The following LRRC9 variants were observed in gnomAD, a reference collection of about 807,000 sequenced individuals.
LRRC9 encodes leucine rich repeat containing 9.
LRRC9 carries 122 observed loss-of-function variants against 63.2 expected under a neutral mutation model. That is an observed-to-expected ratio of 1.93 (90% confidence interval 1.67 to 2.24). LRRC9 has a LOEUF of 2.24. Ranked by LOEUF, LRRC9 falls within the 30% of genes most tolerant of loss-of-function variation. LRRC9 has a pLI of 0.00. For missense variants in LRRC9, 1,071 were observed against 627.7 expected (o/e 1.71, Z -7.55); for synonymous variants, 366 against 213.1 (o/e 1.72, Z -6.25).
At position 60,053,940 on chromosome 14, in the gene LRRC9, G is replaced by A. The variant is rs2140441424; in HGVS notation, c.4131+735G>A. On this transcript the variant is annotated intron_variant, in intron 30 of 31. Transcript: ENST00000445360. This position sits in a 1 kb window ranked among gnomAD's most constrained non-coding sequence, Gnocchi z 4.8. Reference sequence around the variant, plus strand: ...GAGGCTGGAGGGAGAAGGGAAACCAGCTCAGAGGCTTTTAGAATAATCCAA... The same window carrying A: ...GAGGCTGGAGGGAGAAGGGAAACCAACTCAGAGGCTTTTAGAATAATCCAA... 1 of 455,524 alleles carries A rather than the reference G, an allele frequency of 2.2e-6. No homozygotes were observed. Among genetic ancestry groups the A allele is most frequent in the South Asian group, 1.6e-5 (1 of 64,466 alleles). The allele number at this position is 455,524 out of a possible 1,614,324, so 28.2% of individuals were successfully genotyped here. A position where few individuals can be genotyped will look rare whatever the true frequency, so the allele number is the denominator to read the frequency against.
intron 12 of LRRC9, among the ~76,000 whole-genome samples, chr14:59,971,487 A>G (rs1459848228): frequency 2.0e-5 from 3 of 152,100 alleles, no homozygotes; most frequent in African/African-American, 7.2e-5. Flanking sequence ...TTAGTTTGAT[A>G]GGAATAGCAT....
At chr14:59,973,115 C>T (rs1885712826) in intron 12 of LRRC9, among the ~76,000 whole-genome samples, 1 of 151,896 alleles carries the variant, frequency 6.6e-6, no homozygotes, top group Non-Finnish European at 1.5e-5. Context: ...ATGTTTTCCT[C>T]CTCTTAAAAT....
chr14:60,047,803 A>C (rs892775818), intron 29 of LRRC9, among the ~76,000 whole-genome samples: 3 of 152,188 alleles, frequency 2.0e-5, no homozygotes, highest in Non-Finnish European at 4.4e-5. Context: ...GATCTGATAG[A>C]TATCTACAGA....
chr14:60,056,463 A>G (rs1894289185), intron 30 of LRRC9, among the ~76,000 whole-genome samples: 1 of 152,184 alleles, frequency 6.6e-6, no homozygotes, highest in South Asian at 2.1e-4. Flanking sequence ...ATACTTTACT[A>G]AAGGGTTTGT....
intron 29 of LRRC9, among the ~76,000 whole-genome samples, chr14:60,032,820 CT>C (rs2140333287): frequency 6.6e-6 from 1 of 152,226 alleles, no homozygotes; most frequent in African/African-American, 2.4e-5. Context: ...TTCCAGAACA[CT>C]TTCTTCCCAA....
At chr14:59,944,842 TATATA>T (rs1840166792) in intron 8 of LRRC9, 98 bp downstream of exon 8, 1 of 516,288 alleles carries the variant, frequency 1.9e-6, no homozygotes, top group Non-Finnish European at 3.4e-6. Flanking sequence ...TATACACACA[TATATA>T]ATACACACAC....
Position 59,948,392 on chromosome 14 carries a change from C to G in LRRC9, c.882+3648C>G, listed in dbSNP as rs899426294. Among the ~76,000 whole-genome samples, 368 of 141,312 alleles carry G rather than the reference C, an allele frequency of 2.6e-3. 5 individuals are homozygous for G. The highest frequency in any genetic ancestry group is 9.5e-3 in the African/African-American group (348 of 36,620). 92.7% of individuals were successfully genotyped at this position (141,312 alleles called of 152,430 possible). A position where few individuals can be genotyped will look rare whatever the true frequency, so the allele number is the denominator to read the frequency against. ...AGACTTTGCTGAAGTTGCTTATCAGCTTAAGGAGATTTTGGGCTGAGACGA... is the reference window on the plus strand; with the variant it reads ...AGACTTTGCTGAAGTTGCTTATCAGGTTAAGGAGATTTTGGGCTGAGACGA... On this transcript the variant is annotated intron_variant, in intron 8 of 31. Coordinates refer to ENST00000445360, the Ensembl canonical transcript of LRRC9.
chr14:60,063,541 T>C (rs1204565945), exon 32 of LRRC9: 1 of 497,806 alleles, frequency 2.0e-6, no homozygotes, highest in Non-Finnish European at 3.6e-6. Context: ...TGATTTAATA[T>C]CACCTCTCTT....
At chr14:59,978,239 G>A in intron 15 of LRRC9, 107 bp downstream of exon 15, 1 of 591,446 alleles carries the variant, frequency 1.7e-6, no homozygotes, top group Non-Finnish European at 3.0e-6. Context: ...TTATGTGCAT[G>A]TGTGTATAAT....
At chr14:60,001,550 A>G (rs992691852) in intron 19 of LRRC9, among the ~76,000 whole-genome samples, 4 of 152,180 alleles carry the variant, frequency 2.6e-5, no homozygotes, top group Non-Finnish European at 5.9e-5. Flanking sequence ...GGACACAGAC[A>G]TAGGACTATA....
intron 26 of LRRC9, among the ~76,000 whole-genome samples, chr14:60,021,924 C>G (rs1030302230): frequency 6.6e-6 from 1 of 151,890 alleles, no homozygotes; most frequent in Non-Finnish European, 1.5e-5. Flanking sequence ...GATTTAAGCT[C>G]TCCAACTTTG....
intron 18 of LRRC9, among the ~76,000 whole-genome samples, chr14:59,998,749 C>G (rs1351219622): frequency 2.0e-5 from 3 of 152,012 alleles, no homozygotes; most frequent in Non-Finnish European, 4.4e-5. Flanking sequence ...ATTGGATTGT[C>G]AAGGGCTAAA....
At chr14:59,992,883 G>T (rs879759989) in intron 17 of LRRC9, among the ~76,000 whole-genome samples, 22 of 152,342 alleles carry the variant, frequency 1.4e-4, no homozygotes, top group Non-Finnish European at 2.6e-4. Context: ...AAAACACTCT[G>T]CAGGATATTA....
At chr14:60,035,932 A>T (rs1892391685) in intron 29 of LRRC9, among the ~76,000 whole-genome samples, 1 of 144,296 alleles carries the variant, frequency 6.9e-6, no homozygotes, top group Non-Finnish European at 1.5e-5. Flanking sequence ...CATTTTTTTT[A>T]ACAACAGATA....
intron 9 of LRRC9, among the ~76,000 whole-genome samples, chr14:59,960,450 C>T (rs561058432): frequency 6.6e-6 from 1 of 152,302 alleles, no homozygotes; most frequent in African/African-American, 2.4e-5. Context: ...TACTAAGGCA[C>T]TAAGTGGATA....
chr14:60,061,850 T>C (rs978290255), intron 31 of LRRC9, among the ~76,000 whole-genome samples, 161 bp from the exon 32 acceptor site: 3 of 152,248 alleles, frequency 2.0e-5, no homozygotes, highest in African/African-American at 7.2e-5. Flanking sequence ...TACATTATAA[T>C]TCTATATTTT....
chr14:60,057,603 G>C (rs1894376559), intron 30 of LRRC9: 2 of 207,892 alleles, frequency 9.6e-6, no homozygotes, highest in African/African-American at 2.3e-5. Flanking sequence ...CCTTTGGAAA[G>C]GGCGAGTTGC....
chr14:60,025,539 T>C (rs1020076530), intron 27 of LRRC9, among the ~76,000 whole-genome samples: 2 of 152,070 alleles, frequency 1.3e-5, no homozygotes, highest in Non-Finnish European at 2.9e-5. Flanking sequence ...AGGGCAGCCT[T>C]ATTCAGGAAG....
chr14:60,009,109 C>G (rs1890048190), intron 23 of LRRC9, among the ~76,000 whole-genome samples: 1 of 152,198 alleles, frequency 6.6e-6, no homozygotes, highest in Non-Finnish European at 1.5e-5. Flanking sequence ...TCTGTCCTAT[C>G]TCTCTGTGCC....
Sources: allele counts gnomAD v4.1 joint callset (sites outside exome capture counted in the v4.1 genomes callset), GRCh38; gene constraint gnomAD v4.1.1; non-coding constraint Gnocchi (gnomAD v3.1); transcripts MANE v1.5; gene names NCBI Gene and HGNC (gene_info 2026-07-23, HGNC 2026-07-21).